The following HSPA12A variants were observed in gnomAD, a reference collection of about 807,000 sequenced individuals.
The protein encoded by HSPA12A is heat shock protein family A (Hsp70) member 12A, also known as heat shock 70 kDa protein 12A.
Under a neutral mutation model 69.2 loss-of-function variants are expected in HSPA12A, and 28 were observed. The ratio of observed to expected loss-of-function variants is 0.40; its 90% confidence interval spans 0.30 to 0.55. The LOEUF (loss-of-function observed/expected upper bound fraction) is 0.55, where lower values mean the gene tolerates loss of function less well. Among genes scored for constraint, HSPA12A ranks in the 20% least tolerant of loss-of-function variants. The pLI, the probability that HSPA12A is intolerant of heterozygous loss-of-function variation, is 0.38. For missense variants in HSPA12A, 686 were observed against 900.7 expected (o/e 0.76, Z 3.05); for synonymous variants, 345 against 370.5 (o/e 0.93, Z 0.79).
chr10:116,776,608 C>T (rs1291246765), intron 2 of HSPA12A, among the ~76,000 whole-genome samples: 2 of 152,096 alleles, frequency 1.3e-5, no homozygotes, highest in Admixed American at 1.3e-4. Flanking sequence ...AAGTGAACAA[C>T]GAATTTATTA....
chr10:116,690,463 T>G (rs1293129739), intron 6 of HSPA12A, among the ~76,000 whole-genome samples: 3 of 152,182 alleles, frequency 2.0e-5, no homozygotes. Flanking sequence ...CGGCTGTCAA[T>G]GGAACAAAGC....
intron 2 of HSPA12A, among the ~76,000 whole-genome samples, chr10:116,788,175 T>G (rs926283016): frequency 6.6e-6 from 1 of 152,140 alleles, no homozygotes; most frequent in Admixed American, 6.5e-5. Flanking sequence ...AAGCACATCC[T>G]GCAAAATTCT....
chr10:116,785,909 C>A (rs1844565526), intron 2 of HSPA12A, among the ~76,000 whole-genome samples: 1 of 152,156 alleles, frequency 6.6e-6, no homozygotes, highest in Admixed American at 6.5e-5. Flanking sequence ...TGCAGGCCCA[C>A]CCCATGGCCT....
intron 3 of HSPA12A, among the ~76,000 whole-genome samples, chr10:116,703,822 C>A (rs1850150419): frequency 6.6e-6 from 1 of 152,236 alleles, no homozygotes; most frequent in Non-Finnish European, 1.5e-5. Context: ...CATCCCAGCA[C>A]AGAGTGCATC....
chr10:116,850,533 G>T (rs768937806), upstream of HSPA12A, among the ~76,000 whole-genome samples: 22 of 151,858 alleles, frequency 1.4e-4, no homozygotes, highest in Non-Finnish European at 2.8e-4. Context: ...GTGTGGCTGG[G>T]GCCCCTAGGA....
chr10:116,768,133 T>C (rs1844120273), intron 2 of HSPA12A, among the ~76,000 whole-genome samples: 1 of 152,198 alleles, frequency 6.6e-6, no homozygotes, highest in East Asian at 1.9e-4. Flanking sequence ...ATGGATCAAA[T>C]GTGTTCTCTC....
chr10:116,765,623 T>A (rs1457386394), intron 2 of HSPA12A, among the ~76,000 whole-genome samples: 1 of 152,210 alleles, frequency 6.6e-6, no homozygotes, highest in Non-Finnish European at 1.5e-5. Context: ...GCACTATTCT[T>A]ATAATTCCTC....
intron 1 of HSPA12A, among the ~76,000 whole-genome samples, chr10:116,844,156 C>A (rs1382449860): frequency 2.0e-5 from 3 of 152,194 alleles, no homozygotes; most frequent in African/African-American, 7.2e-5. Context: ...GTCACCTAGA[C>A]CTGGATCAAA....
intron 2 of HSPA12A, chr10:116,833,356 T>C (rs1429713278): frequency 6.6e-6 from 1 of 152,214 alleles, no homozygotes; most frequent in Admixed American, 6.5e-5. Context: ...GTGTGGTAGC[T>C]GCTGCAGCCT....
At chr10:116,836,757 T>C (rs1845718063) in intron 1 of HSPA12A, among the ~76,000 whole-genome samples, 1 of 143,234 alleles carries the variant, frequency 7.0e-6, no homozygotes, top group Admixed American at 6.9e-5. Flanking sequence ...AGAATTGTGG[T>C]AAACGAACCG....
Position 116,679,760 on chromosome 10 carries a change from G to A in HSPA12A, c.1029C>T (p.Gly343=), listed in dbSNP as rs200287668. The change falls in exon 10 of 12, where the codon GGC becomes GGT. Residue 343 remains glycine, a splice_region_variant and synonymous_variant. Transcript: ENST00000369209. ...GHLKELYKAT[G]GPYGSLGVDY... ...CTACTCCTAAAGATCCATAGGGTCC[G>A]CCTGAATTGAGAACAAAAAGGGAGG... The A allele has an allele frequency of 1.7e-4, 270 of 1,611,214 alleles. 1 individual carries two copies. The highest frequency in any genetic ancestry group is 6.0e-4 in the East Asian group (27 of 44,838).
At chr10:116,789,555 T>G (rs571604386) in intron 2 of HSPA12A, among the ~76,000 whole-genome samples, 2 of 152,316 alleles carry the variant, frequency 1.3e-5, no homozygotes, top group African/African-American at 4.8e-5. Flanking sequence ...GCCCTGTTGG[T>G]GAACACTCAA....
upstream of HSPA12A, among the ~76,000 whole-genome samples, chr10:116,744,092 C>T (rs568545388): frequency 1.3e-5 from 2 of 152,326 alleles, no homozygotes; most frequent in Admixed American, 1.3e-4. Flanking sequence ...CCTGTCTCAC[C>T]CCTTCAGTCC....
At chr10:116,791,173 T>C (rs915550581) in intron 2 of HSPA12A, among the ~76,000 whole-genome samples, 1 of 152,220 alleles carries the variant, frequency 6.6e-6, no homozygotes, top group African/African-American at 2.4e-5. Context: ...TCCACAAGTG[T>C]GTGCTGCTTG....
At chr10:116,762,857 T>G (rs544281356) in intron 2 of HSPA12A, among the ~76,000 whole-genome samples, 9 of 152,192 alleles carry the variant, frequency 5.9e-5, no homozygotes, top group African/African-American at 1.9e-4. Context: ...ATTACAGGCA[T>G]GAGCCACCAT....
chr10:116,733,019 G>A (rs532645463), intron 1 of HSPA12A, among the ~76,000 whole-genome samples: 2 of 152,284 alleles, frequency 1.3e-5, no homozygotes, highest in East Asian at 3.9e-4. Context: ...AGCTGTGGAT[G>A]TATCCATGAG....
chr10:116,679,454 G>A (rs782467654), intron 10 of HSPA12A, 49 bp downstream of exon 10: 11 of 1,600,630 alleles, frequency 6.9e-6, no homozygotes, highest in African/African-American at 1.3e-5. Context: ...CCATCAGCAC[G>A]ATCCACCCGC....
At chr10:116,767,718 A>G (rs1844111758) in intron 2 of HSPA12A, among the ~76,000 whole-genome samples, 1 of 152,224 alleles carries the variant, frequency 6.6e-6, no homozygotes, top group South Asian at 2.1e-4. Context: ...AGGGGGCTTT[A>G]ACCAAAATCC....
chr10:116,803,665 G>A lies in HSPA12A; in HGVS notation c.91+31270C>T, dbSNP rs375842062. ...TGTGTCTCTTGGGAATGATCGGAGC[G>A]TGAACTGTATTTCCAGAAACCAGCT... On this transcript the variant is annotated intron_variant, in intron 2 of 12. Transcript: ENST00000635765. Among the ~76,000 whole-genome samples, 19 of 152,314 alleles carry A rather than the reference G, an allele frequency of 1.2e-4. 2 individuals carry two copies. The South Asian group carries it at 3.9e-3, about 32-fold the overall frequency.
Sources: gnomAD v4.1 joint callset for allele counts (sites outside exome capture counted in the v4.1 genomes callset) on GRCh38, gnomAD v4.1.1 for gene constraint, MANE v1.5 for transcripts, NCBI Gene and HGNC (gene_info 2026-07-23, HGNC 2026-07-21) for gene names.